The following PABPC4L variants were observed in gnomAD, a reference collection of about 807,000 sequenced individuals.
PABPC4L encodes the protein poly(A) binding protein cytoplasmic 4 like.
For missense variants in PABPC4L, 452 were observed against 451.4 expected (o/e 1.00, Z -0.01); for synonymous variants, 169 against 164.1 (o/e 1.03, Z -0.23).
chr4:134,125,881 C>T, the PABPC4L span, among the ~76,000 whole-genome samples: 1 of 152,034 alleles, frequency 6.6e-6, no homozygotes, highest in Non-Finnish European at 1.5e-5. Context: ...CACACACACA[C>T]ATATACATTC....
chr4:134,023,215 A>C, the PABPC4L span, among the ~76,000 whole-genome samples: 1 of 152,178 alleles, frequency 6.6e-6, no homozygotes, highest in East Asian at 1.9e-4. Flanking sequence ...GTCATCTGAC[A>C]CTGAGGCATG....
At chr4:134,022,687 T>C in the PABPC4L span, among the ~76,000 whole-genome samples, 1 of 151,978 alleles carries the variant, frequency 6.6e-6, no homozygotes, top group Non-Finnish European at 1.5e-5. Flanking sequence ...TTATTTAGTT[T>C]AGTTTTGTTT....
the PABPC4L span, among the ~76,000 whole-genome samples, chr4:134,118,961 AT>A: frequency 0.21 from 31,696 of 151,432 alleles, 4,107 homozygotes; most frequent in Non-Finnish European, 0.27. Context: ...TTATAGCATG[AT>A]TTTTTTTCTA....
chr4:134,121,500 C>G, the PABPC4L span, among the ~76,000 whole-genome samples: 1 of 151,534 alleles, frequency 6.6e-6, no homozygotes, highest in African/African-American at 2.4e-5. Context: ...TGGTTCGGAG[C>G]TAAATTTAAA....
chr4:134,201,114 G>A lies in PABPC4L; in HGVS notation c.-95C>T, dbSNP rs1337997868. 2.6e-6 allele frequency: 4 copies of A among 1,550,548 alleles called. No homozygotes were observed. The African/African-American group carries it at 4.1e-5, about 16-fold the overall frequency. On this transcript the variant is annotated 5_prime_UTR_variant, in exon 2 of 2. Coordinates refer to ENST00000421491, the MANE Select transcript of PABPC4L (RefSeq NM_001114734.2). ...GTCACAGCTTTGGCCCGGTTCAAGT[G>A]TGGAGGCCTCGGGATCACCACACAA...
chr4:134,050,883 T>TA, the PABPC4L span, among the ~76,000 whole-genome samples: 1 of 31,226 alleles, frequency 3.2e-5, no homozygotes, highest in Non-Finnish European at 5.3e-5. Context: ...GACCTTTATT[T>TA]TTTTTTTTTT....
At chr4:134,131,751 T>C in the PABPC4L span, among the ~76,000 whole-genome samples, 70 of 42,556 alleles carry the variant, frequency 1.6e-3, no homozygotes, top group Non-Finnish European at 2.5e-3. Flanking sequence ...AAAGCCTCCA[T>C]AGCCAAAGCA....
At chr4:133,955,399 TTAAA>T in the PABPC4L span, among the ~76,000 whole-genome samples, 2 of 152,140 alleles carry the variant, frequency 1.3e-5, no homozygotes, top group Admixed American at 1.3e-4. Context: ...TTTTCAACTA[TTAAA>T]TAGTTAATTG....
At chr4:133,985,068 AT>A in the PABPC4L span, among the ~76,000 whole-genome samples, 1 of 151,984 alleles carries the variant, frequency 6.6e-6, no homozygotes, top group Non-Finnish European at 1.5e-5. Flanking sequence ...CGAGCTAAGA[AT>A]TTAAAAACCA....
chr4:134,143,531 A>T, the PABPC4L span, among the ~76,000 whole-genome samples: 1 of 150,628 alleles, frequency 6.6e-6, no homozygotes, highest in Non-Finnish European at 1.5e-5. Flanking sequence ...ACTTATGTTA[A>T]TACACAAAAT....
the PABPC4L span, among the ~76,000 whole-genome samples, chr4:134,177,291 T>C: frequency 1.3e-5 from 2 of 151,288 alleles, no homozygotes; most frequent in Admixed American, 6.6e-5. Context: ...ATTCTCCTGC[T>C]TTGGCCTCCC....
At chr4:133,997,438 C>G in the PABPC4L span, among the ~76,000 whole-genome samples, 229 of 151,864 alleles carry the variant, frequency 1.5e-3, no homozygotes, top group Non-Finnish European at 2.8e-3. Context: ...TGCCTGCTAG[C>G]ATGACATCCA....
chr4:134,145,821 A>T, the PABPC4L span, among the ~76,000 whole-genome samples: 1 of 152,040 alleles, frequency 6.6e-6, no homozygotes, highest in Non-Finnish European at 1.5e-5. Context: ...TATAATAAAT[A>T]TTCATTACAC....
the PABPC4L span, among the ~76,000 whole-genome samples, chr4:134,087,592 A>G: frequency 1.2e-4 from 18 of 152,270 alleles, no homozygotes; most frequent in East Asian, 2.9e-3. Flanking sequence ...GTCACAGACA[A>G]GGACTCAAGC....
the PABPC4L span, among the ~76,000 whole-genome samples, chr4:134,098,285 TA>T: frequency 6.6e-6 from 1 of 151,778 alleles, no homozygotes; most frequent in African/African-American, 2.4e-5. Flanking sequence ...TAGACAGGCA[TA>T]AAATTAGTAT....
the PABPC4L span, among the ~76,000 whole-genome samples, chr4:134,000,513 T>C: frequency 6.6e-6 from 1 of 152,184 alleles, no homozygotes; most frequent in Non-Finnish European, 1.5e-5. Context: ...AAATTGGTTT[T>C]AATCTTAACC....
chr4:134,133,395 A>G, the PABPC4L span, among the ~76,000 whole-genome samples: 6 of 143,950 alleles, frequency 4.2e-5, no homozygotes, highest in South Asian at 1.3e-3. Context: ...ATATAATAAT[A>G]AATATTATAT....
At chr4:134,140,470 G>C in the PABPC4L span, among the ~76,000 whole-genome samples, 1 of 151,728 alleles carries the variant, frequency 6.6e-6, no homozygotes, top group Admixed American at 6.6e-5. Context: ...AATTTTATAT[G>C]ACATGCCTTC....
the PABPC4L span, among the ~76,000 whole-genome samples, chr4:134,144,609 T>C: frequency 6.6e-6 from 1 of 151,488 alleles, no homozygotes; most frequent in Non-Finnish European, 1.5e-5. Flanking sequence ...TTCAGTCTTT[T>C]TATATGAAAG....
Sources: allele counts gnomAD v4.1 joint callset (sites outside exome capture counted in the v4.1 genomes callset), GRCh38; gene constraint gnomAD v4.1.1; transcripts MANE v1.5; gene names NCBI Gene and HGNC (gene_info 2026-07-23, HGNC 2026-07-21).